Variants in AK9 observed in about 807,000 individuals in gnomAD.
The protein encoded by AK9 is adenylate kinase 9.
In AK9, 191 loss-of-function variants were observed where a neutral mutation model predicts 239.6. The ratio of observed to expected loss-of-function variants is 0.80; its 90% confidence interval spans 0.71 to 0.90. AK9 has a LOEUF of 0.90. Ranked by LOEUF, AK9 falls within the 40% of genes least tolerant of loss-of-function variation. The probability of loss-of-function intolerance (pLI) is 0.00; values close to 1 mark genes in which losing one functional copy is unlikely to be tolerated. For missense variants in AK9, 1,995 were observed against 2,214.7 expected, an observed-to-expected ratio of 0.90 and a Z score of 1.99; for synonymous variants, 689 against 721.0, an observed-to-expected ratio of 0.96 and a Z score of 0.71.
At chr6:109,635,531 T>C (rs1796610932) in intron 10 of AK9, among the ~76,000 whole-genome samples, 2 of 152,158 alleles carry the variant, frequency 1.3e-5, no homozygotes, top group African/African-American at 2.4e-5. Flanking sequence ...GCATACTTTC[T>C]GGAGCCACTT....
chr6:109,544,550 C>G (rs796624082), intron 26 of AK9, among the ~76,000 whole-genome samples: 7 of 152,306 alleles, frequency 4.6e-5, no homozygotes, highest in African/African-American at 1.7e-4. Flanking sequence ...CCACCTCACT[C>G]TCTTTCTCCT....
At chr6:109,552,631 A>C (rs940049397) in intron 24 of AK9, among the ~76,000 whole-genome samples, 2 of 152,104 alleles carry the variant, frequency 1.3e-5, no homozygotes, top group African/African-American at 4.8e-5. Flanking sequence ...AGATTGCAAA[A>C]ATTTTCTCCC....
At chr6:109,545,550 A>G (rs1783438853) in intron 26 of AK9, among the ~76,000 whole-genome samples, 1 of 152,166 alleles carries the variant, frequency 6.6e-6, no homozygotes, top group Non-Finnish European at 1.5e-5. Context: ...CCATCCACGT[A>G]AGATGTGATT....
rs561514685 is a variant in AK9 at position 109,494,431 on chromosome 6, C to A, written c.5419-336G>T. On this transcript the variant is annotated intron_variant, in intron 39 of 40. Coordinates refer to ENST00000424296, the MANE Select transcript of AK9 (RefSeq NM_001145128.3). ...AGAAAGAAGGGGACCCTAGGCTTTG[C>A]GATATCTTGGCCCGTATCTGCTTTC... 2.2e-5 allele frequency: 4 copies of A among 179,250 alleles called. No individual in the cohort carries two copies. The South Asian group carries it at 5.6e-4, about 25-fold the overall frequency. The allele number at this position is 179,250 out of a possible 1,614,324, so 11.1% of individuals were successfully genotyped here.
At chr6:109,659,469 C>T in intron 6 of AK9, 56 bp from the exon 7 acceptor site, 1 of 1,547,804 alleles carries the variant, frequency 6.5e-7, no homozygotes, top group Non-Finnish European at 8.7e-7. Flanking sequence ...TTTTAATTCC[C>T]TGTGTATTTA....
chr6:109,586,060 T>C lies in AK9; in HGVS notation c.1855A>G (p.Asn619Asp). 1.3e-6 allele frequency: 2 copies of C among 1,550,736 alleles called. No individual in the cohort carries two copies. The highest frequency in any genetic ancestry group is 1.7e-6 in the Non-Finnish European group (2 of 1,146,706). The change falls in exon 18 of 41, where the codon AAC (asparagine) becomes GAC (aspartate). Residue 619 changes from asparagine to aspartate, a missense_variant. This residue lies in a region of AK9 where 1,290 missense variants were observed against 1,392.7 expected (regional missense o/e 0.93). Transcript: ENST00000424296. The stretch of plus-strand genomic sequence containing the variant: ...GGGGCACCAGGAAACCTATCCTTGT[T>C]TTCTTCCATTACCTGTGAAAAATTG... ...QEVLGEVMEE[N>D]KDRFPGAPKY... is the part of the protein sequence containing the mutation.
At chr6:109,631,342 A>G (rs1289950411) in intron 12 of AK9, among the ~76,000 whole-genome samples, 1 of 152,214 alleles carries the variant, frequency 6.6e-6, no homozygotes, top group Non-Finnish European at 1.5e-5. Flanking sequence ...TACTAATAAT[A>G]TACAAAAACA....
chr6:109,618,177 A>G (rs1283259628), intron 13 of AK9, among the ~76,000 whole-genome samples: 1 of 152,142 alleles, frequency 6.6e-6, no homozygotes, highest in Non-Finnish European at 1.5e-5. Context: ...GAATCTAGCT[A>G]AAATTGCTGA....
intron 30 of AK9, 71 bp downstream of exon 30, chr6:109,516,358 TG>T (rs1364431165): frequency 7.9e-7 from 1 of 1,271,228 alleles, no homozygotes; most frequent in African/African-American, 1.5e-5. Context: ...AGAAATGGCA[TG>T]AACTAAATTG....
intron 17 of AK9, among the ~76,000 whole-genome samples, chr6:109,599,592 T>TTC (rs1224356983): frequency 1.0e-4 from 3 of 29,926 alleles, no homozygotes; most frequent in African/African-American, 1.8e-4. Flanking sequence ...TTTAAAGTAG[T>TTC]TTTTTCCAAT....
At chr6:109,548,601 C>T (rs756819843) in intron 25 of AK9, among the ~76,000 whole-genome samples, 6 of 152,120 alleles carry the variant, frequency 3.9e-5, no homozygotes, top group Non-Finnish European at 7.4e-5. Flanking sequence ...GCCTAATTGA[C>T]AAGGACTGAT....
At chr6:109,613,151 A>G (rs1562494105) in intron 15 of AK9, among the ~76,000 whole-genome samples, 7 of 151,324 alleles carry the variant, frequency 4.6e-5, no homozygotes, top group Admixed American at 1.3e-4. Flanking sequence ...TTTAAGCCTA[A>G]AAGTGAAGGA....
chr6:109,665,416 T>C (rs972030480), intron 5 of AK9, among the ~76,000 whole-genome samples: 2 of 152,206 alleles, frequency 1.3e-5, no homozygotes, highest in Non-Finnish European at 2.9e-5. Context: ...ATGTAGACAC[T>C]GCCTGCACTG....
At position 109,656,849 on chromosome 6, in the gene AK9, A is replaced by G; in HGVS notation, c.666T>C (p.Ile222=). The G allele has an allele frequency of 6.2e-7, 1 of 1,612,846 alleles. No individual in the cohort carries two copies. Reference sequence around the variant, plus strand: ...CAGGCCTCTGAACTAGATGATGAAGAATTTCAGCCACCATCTGCATTTCGG... The same window carrying G: ...CAGGCCTCTGAACTAGATGATGAAGGATTTCAGCCACCATCTGCATTTCGG... The part of the protein sequence containing the change: ...FIAEMQMVAE[I]LHHLVQRPED... The change falls in exon 8 of 41, where the codon ATT becomes ATC. Residue 222 remains isoleucine (I), a synonymous_variant. Transcript: ENST00000424296.
Position 109,564,284 on chromosome 6 carries a change from TG to T in AK9, c.2435-5del. On this transcript the variant is annotated splice_region_variant and splice_polypyrimidine_tract_variant and intron_variant, in intron 22 of 40. Transcript: ENST00000424296. ...TCTGGAAACTCAGGTAGTACAACTTTGGAGTAAAAGACAAAGGAAAGAAAAA... is the reference window on the plus strand; with the variant it reads ...TCTGGAAACTCAGGTAGTACAACTTTGAGTAAAAGACAAAGGAAAGAAAAA... The T allele has an allele frequency of 6.5e-7, 1 of 1,539,172 alleles. No homozygotes were observed. The highest frequency in any genetic ancestry group is 8.8e-7 in the Non-Finnish European group (1 of 1,142,216).
At chr6:109,677,162 T>C (rs1039973430) in intron 1 of AK9, among the ~76,000 whole-genome samples, 3 of 152,252 alleles carry the variant, frequency 2.0e-5, no homozygotes, top group Admixed American at 2.0e-4. Context: ...ATCTGAGTGA[T>C]GAAATAATCT....
chr6:109,672,888 T>C (rs182895975), intron 3 of AK9, among the ~76,000 whole-genome samples: 1 of 152,158 alleles, frequency 6.6e-6, no homozygotes, highest in Non-Finnish European at 1.5e-5. Flanking sequence ...TTCATAACCA[T>C]ACAATTACAT....
intron 1 of AK9, among the ~76,000 whole-genome samples, chr6:109,688,959 T>G (rs1252383079): frequency 6.6e-6 from 1 of 152,164 alleles, no homozygotes; most frequent in African/African-American, 2.4e-5. Flanking sequence ...CTTGATGCTT[T>G]CATGTCCAGT....
chr6:109,593,369 T>G lies in AK9; in HGVS notation c.1843-7297A>C, dbSNP rs1394761381. ...ATGAGTTCTGAAATTGAGGCAGTAA[T>G]TAATAGCCTACCAACCAAAAAAAGC... On this transcript the variant is annotated intron_variant, in intron 17 of 40. Transcript: ENST00000424296. 2.6e-5 allele frequency among the ~76,000 whole-genome samples: 4 copies of G among 152,012 alleles called. No individual in the cohort carries two copies. The East Asian group carries it at 7.7e-4, about 29-fold the overall frequency.
Sources: gnomAD v4.1 joint callset for allele counts (sites outside exome capture counted in the v4.1 genomes callset) on GRCh38, gnomAD v4.1.1 for gene constraint, gnomAD v4.1.1 regional missense constraint, MANE v1.5 for transcripts, NCBI Gene and HGNC (gene_info 2026-07-23, HGNC 2026-07-21) for gene names.